The following HMCN1 variants were observed in gnomAD, a reference collection of about 807,000 sequenced individuals.
HMCN1 encodes the protein hemicentin 1, also known as hemicentin-1.
A neutral mutation model predicts 625.9 loss-of-function variants in HMCN1; 321 were observed. The ratio of observed to expected loss-of-function variants is 0.51; its 90% CI spans 0.47 to 0.56. The LOEUF (loss-of-function observed/expected upper bound fraction) is 0.56. Ranked by LOEUF, HMCN1 falls within the 20% of genes least tolerant of loss-of-function variation. HMCN1 has a pLI of 0.00. For synonymous variants in HMCN1, 2,425 were observed against 2,417.6 expected, an observed-to-expected ratio of 1.00 and a Z score of -0.09; for missense variants, 6,588 against 6,887.3, an observed-to-expected ratio of 0.96 and a Z score of 1.54.
chr1:185,815,232 T>C (rs960228233), intron 1 of HMCN1, among the ~76,000 whole-genome samples: 2 of 150,294 alleles, frequency 1.3e-5, no homozygotes, highest in Non-Finnish European at 2.9e-5. Context: ...AACATATTGT[T>C]TGACACAGAC....
At chr1:186,127,980 AAG>A in intron 82 of HMCN1, 96 bp from the exon 83 acceptor site, 3 of 987,696 alleles carry the variant, frequency 3.0e-6, no homozygotes, top group South Asian at 1.4e-5. Flanking sequence ...GTCTTTGGAT[AAG>A]AGAGTTTCTT....
intron 71 of HMCN1, among the ~76,000 whole-genome samples, chr1:186,110,282 G>A (rs1043375437): frequency 1.3e-5 from 2 of 152,112 alleles, no homozygotes; most frequent in Admixed American, 1.3e-4. Context: ...GAGTATAAGA[G>A]TCCCAGTTAA....
intron 30 of HMCN1, among the ~76,000 whole-genome samples, chr1:186,014,560 T>G (rs1347776612): frequency 6.6e-6 from 1 of 152,030 alleles, no homozygotes; most frequent in East Asian, 1.9e-4. Flanking sequence ...AGCACAGCCC[T>G]TATGTAGTGT....
At chr1:185,883,782 T>G (rs1664452777) in intron 4 of HMCN1, among the ~76,000 whole-genome samples, 1 of 151,850 alleles carries the variant, frequency 6.6e-6, no homozygotes, top group African/African-American at 2.4e-5. Context: ...ACTGTGGTTT[T>G]AATTTGGATT....
intron 17 of HMCN1, among the ~76,000 whole-genome samples, chr1:185,981,500 C>G (rs1651633164): frequency 6.6e-6 from 1 of 152,032 alleles, no homozygotes; most frequent in South Asian, 2.1e-4. Context: ...ATTCTCTTCC[C>G]ACTGACTAAA....
chr1:185,759,056 A>C (rs1356686474), intron 1 of HMCN1, among the ~76,000 whole-genome samples: 3 of 152,234 alleles, frequency 2.0e-5, no homozygotes, highest in African/African-American at 7.2e-5. Flanking sequence ...AGAAGCACAA[A>C]TTACATCTGT....
intron 4 of HMCN1, among the ~76,000 whole-genome samples, chr1:185,895,649 G>T (rs1225395664): frequency 6.6e-6 from 1 of 152,126 alleles, no homozygotes; most frequent in East Asian, 1.9e-4. Flanking sequence ...ATCACCAAGG[G>T]ATCAGTGCAG....
At chr1:185,758,790 TAGAG>T (rs773514274) in intron 1 of HMCN1, among the ~76,000 whole-genome samples, 13 of 152,200 alleles carry the variant, frequency 8.5e-5, no homozygotes, top group Non-Finnish European at 1.5e-4. Flanking sequence ...ACTCAATAGT[TAGAG>T]AGTTAAAATT....
chr1:186,000,280 C>T, intron 26 of HMCN1, 41 bp downstream of exon 26: 1 of 1,419,962 alleles, frequency 7.0e-7, no homozygotes, highest in Non-Finnish European at 9.9e-7. Context: ...GTTTGCCAGT[C>T]TCCAGTTCTT....
intron 1 of HMCN1, among the ~76,000 whole-genome samples, chr1:185,779,895 T>G (rs997986455): frequency 3.9e-5 from 6 of 152,302 alleles, no homozygotes; most frequent in Admixed American, 1.3e-4. Flanking sequence ...AAGTCATTGG[T>G]AGCTTGATGG....
chr1:186,171,292 A>G, intron 100 of HMCN1, 45 bp from the exon 101 acceptor site: 1 of 1,294,646 alleles, frequency 7.7e-7, no homozygotes, highest in South Asian at 1.2e-5. Flanking sequence ...GGATAAATTC[A>G]GGTTTCCTAA....
At position 186,041,071 on chromosome 1, in the gene HMCN1, G is replaced by A. The variant is rs199945360; in HGVS notation, c.6239G>A (p.Arg2080Lys). 7 of 1,612,602 alleles carry A rather than the reference G, an allele frequency of 4.3e-6. No homozygotes were observed. In the South Asian group the frequency reaches 7.7e-5, roughly 18 times the overall value. The change falls in exon 40 of 107, where the codon AGG becomes AAG. Residue 2080 changes from arginine (R) to lysine (K), a missense_variant. Physicochemically the swap from Arg to Lys is conservative, Grantham distance 26 (BLOSUM62 2). Around this residue, in one of 3 missense-constraint regions of HMCN1, gnomAD observed 4,628 missense variants for 4,853.1 expected, o/e 0.95. Coordinates refer to ENST00000271588, the MANE Select transcript of HMCN1 (RefSeq NM_031935.3). ...AGTGCACAAATCAGCGACACAGGAAGGTACACCTGCGTGGCAGTGAATGCT... is the reference window on the plus strand; with the variant it reads ...AGTGCACAAATCAGCGACACAGGAAAGTACACCTGCGTGGCAGTGAATGCT... ...LTSAQISDTG[R>K]YTCVAVNAAG...
intron 11 of HMCN1, among the ~76,000 whole-genome samples, chr1:185,961,411 T>C (rs1650013479): frequency 6.6e-6 from 1 of 152,252 alleles, no homozygotes; most frequent in South Asian, 2.1e-4. Context: ...GTTAGGTTCA[T>C]CTGTGTGTCC....
Position 185,977,966 on chromosome 1 carries a change from GCT to G in HMCN1, c.2556_2557del (p.Phe853TyrfsTer8). 1 of 1,611,448 alleles carries G rather than the reference GCT, an allele frequency of 6.2e-7. No individual in the cohort carries two copies. The highest frequency in any genetic ancestry group is 2.2e-5 in the East Asian group (1 of 44,772). On this transcript the variant is annotated frameshift_variant, in exon 16 of 107. Transcript: ENST00000271588. LOFTEE classifies it high-confidence loss of function. ...TTCCATCAGCCAACTAAGAACAGGAGCTCTCTTTATTTTAAGTAGGTTGAAGG... is the reference window on the plus strand; with the variant it reads ...TTCCATCAGCCAACTAAGAACAGGAGCTCTTTATTTTAAGTAGGTTGAAGG... ...VSSISQLRTGALFILNLWASD... is the reference protein window; with the variant it reads ...VSSISQLRTGXLFILNLWASD...
Position 186,178,622 on chromosome 1 carries a change from C to T in HMCN1, c.16150C>T (p.Pro5384Ser). 1 of 1,614,116 alleles carries T rather than the reference C, an allele frequency of 6.2e-7. No homozygotes were observed. Among genetic ancestry groups the T allele is most frequent in the Non-Finnish European group, 8.5e-7 (1 of 1,180,000 alleles). Residue 5384 changes from proline to serine, a missense_variant, in exon 104 of 107, where the codon CCT becomes TCT. Physicochemically the swap from Pro to Ser is moderately conservative, Grantham distance 74. This residue lies in a region of HMCN1 where 1,954 missense variants were observed against 2,013.1 expected (regional missense o/e 0.97). Coordinates refer to ENST00000271588, the MANE Select transcript of HMCN1 (RefSeq NM_031935.3). ...RFSPVRNNYQ[P>S]QQHYRQYSHL... The stretch of plus-strand genomic sequence containing the variant: ...CTCCCCTGTGAGAAACAACTATCAA[C>T]CTCAACAGCATTACAGACAGTACTC...
rs760502379 is a variant in HMCN1, at chr1:186,074,841, C to T, written c.8240C>T (p.Ala2747Val). The change falls in exon 53 of 107, where the codon GCA (alanine) becomes GTA (valine). Residue 2747 changes from alanine (A) to valine (V), a missense_variant. Physicochemically the swap from Ala to Val is moderately conservative, Grantham distance 64 (BLOSUM62 0). Transcript: ENST00000271588. ...ISDTGRYTCVASNIAGEDELD... is the reference protein window; with the variant it reads ...ISDTGRYTCVVSNIAGEDELD... ...GACACCGGACGATATACTTGTGTAG[C>T]ATCTAACATTGCAGGTGAAGATGAG... 20 of 1,612,816 alleles carry T rather than the reference C, an allele frequency of 1.2e-5. No homozygotes were observed. In the South Asian group the frequency reaches 2.0e-4, roughly 16 times the overall value.
At chr1:186,086,774 G>GTAGA (rs375561336) in intron 58 of HMCN1, among the ~76,000 whole-genome samples, 23 of 125,120 alleles carry the variant, frequency 1.8e-4, no homozygotes, top group Non-Finnish European at 3.4e-4. Flanking sequence ...AGATAGATAG[G>GTAGA]TAGATAGATA....
intron 1 of HMCN1, among the ~76,000 whole-genome samples, chr1:185,753,855 CTG>C (rs1441425019): frequency 6.6e-6 from 1 of 152,110 alleles, no homozygotes; most frequent in Non-Finnish European, 1.5e-5. Flanking sequence ...TTATGGAAAA[CTG>C]TGGAGATTCC....
chr1:186,099,082 G>A (rs994533901), intron 68 of HMCN1, among the ~76,000 whole-genome samples: 1 of 152,070 alleles, frequency 6.6e-6, no homozygotes, highest in Admixed American at 6.6e-5. Flanking sequence ...GAGTTCTGGT[G>A]TTCTATTGCA....
Sources: gnomAD v4.1 joint callset for allele counts (sites outside exome capture counted in the v4.1 genomes callset) on GRCh38, gnomAD v4.1.1 for gene constraint, gnomAD v4.1.1 regional missense constraint, MANE v1.5 for transcripts, NCBI Gene and HGNC (gene_info 2026-07-23, HGNC 2026-07-21) for gene names.